Variants in SPNS3 observed in about 807,000 individuals in gnomAD.
SPNS3 encodes the protein SPNS lysolipid transporter 3, sphingosine-1-phosphate (putative), also known as protein spinster homolog 3.
SPNS3 carries 51 observed loss-of-function variants against 54.4 expected under a neutral mutation model. That is an observed-to-expected ratio of 0.94 (90% CI 0.75 to 1.18). SPNS3 has a LOEUF of 1.18. SPNS3 is among the 50% of genes most tolerant of loss of function. The pLI is 0.00. For synonymous variants in SPNS3, 309 were observed against 294.7 expected (o/e 1.05, Z -0.50); for missense variants, 669 against 677.4 (o/e 0.99, Z 0.14).
At chr17:4,451,470 GT>G (rs1240420552) in intron 7 of SPNS3, among the ~76,000 whole-genome samples, 1 of 152,092 alleles carries the variant, frequency 6.6e-6, no homozygotes, top group Non-Finnish European at 1.5e-5. Context: ...TTTGTGCAAA[GT>G]GAGGGTGGGA....
intron 7 of SPNS3, among the ~76,000 whole-genome samples, chr17:4,450,968 T>C (rs948465133): frequency 6.6e-6 from 1 of 152,050 alleles, no homozygotes; most frequent in Admixed American, 6.6e-5. Context: ...GGGAGGGCCC[T>C]GTGTGGATGG....
At chr17:4,466,415 C>G (rs1244920003) in intron 8 of SPNS3, among the ~76,000 whole-genome samples, 1 of 151,370 alleles carries the variant, frequency 6.6e-6, no homozygotes, top group African/African-American at 2.4e-5. Flanking sequence ...TGGCACGTGC[C>G]TGTAATCCCA....
At chr17:4,458,642 TTTC>T (rs1971409941) in intron 8 of SPNS3, among the ~76,000 whole-genome samples, 12 of 133,542 alleles carry the variant, frequency 9.0e-5, no homozygotes, top group Admixed American at 1.6e-4. Context: ...TCTTTCTTTC[TTTC>T]TTTCCTTCCT....
chr17:4,463,738 GA>G (rs113125706), intron 8 of SPNS3, among the ~76,000 whole-genome samples: 1,627 of 97,068 alleles, frequency 0.017, 14 homozygotes, highest in African/African-American at 0.037. Flanking sequence ...ACTCCATCTC[GA>G]AAAAAAAAAA....
chr17:4,450,479 A>G (rs1971133920), intron 7 of SPNS3, among the ~76,000 whole-genome samples: 1 of 150,910 alleles, frequency 6.6e-6, no homozygotes, highest in Non-Finnish European at 1.5e-5. Context: ...AGTGGTACAA[A>G]CACAGTTCGC....
chr17:4,448,167 C>T lies in SPNS3; in HGVS notation c.634C>T (p.Leu212=), dbSNP rs772134085. 6.3e-6 allele frequency: 10 copies of T among 1,594,462 alleles called. No homozygotes were observed. The highest frequency in any genetic ancestry group is 1.3e-5 in the African/African-American group (1 of 74,146). ...WRWALRVMPC[L]EAVALILLIL... is the part of the protein sequence containing the mutation. ...CTCCTGTCCCCAGGTCATGCCCTGCCTGGAGGCCGTGGCCTTGATCCTGCT... is the reference window on the plus strand; with the variant it reads ...CTCCTGTCCCCAGGTCATGCCCTGCTTGGAGGCCGTGGCCTTGATCCTGCT... The change falls in exon 6 of 12, where the codon CTG becomes TTG. Residue 212 remains leucine, a synonymous_variant. Coordinates refer to ENST00000355530, the MANE Select transcript of SPNS3 (RefSeq NM_182538.5).
chr17:4,466,940 A>G (rs992951986), intron 8 of SPNS3, among the ~76,000 whole-genome samples: 1 of 152,148 alleles, frequency 6.6e-6, no homozygotes, highest in African/African-American at 2.4e-5. Flanking sequence ...GACAGGGGCA[A>G]TGCACAGGGC....
Position 4,439,646 on chromosome 17 carries a change from C to G in SPNS3, c.200-12C>G, listed in dbSNP as rs1970798484. 1 of 1,611,724 alleles carries G rather than the reference C, an allele frequency of 6.2e-7. No homozygotes were observed. The highest frequency in any genetic ancestry group is 8.5e-7 in the Non-Finnish European group (1 of 1,179,102). On this transcript the variant is annotated splice_polypyrimidine_tract_variant and intron_variant, in intron 1 of 11. Transcript: ENST00000355530. ...ACTTCCCGTTTCCTGAGCACTGTCC[C>G]TCTGTCTGCAGGAGTGCTGCTGGAT... is the stretch of plus-strand genomic sequence containing the variant.
chr17:4,460,525 G>T (rs1057085277), intron 8 of SPNS3, among the ~76,000 whole-genome samples: 1 of 149,404 alleles, frequency 6.7e-6, no homozygotes. Context: ...TCTGCCGCCC[G>T]GGTTCACACC....
intron 8 of SPNS3, among the ~76,000 whole-genome samples, chr17:4,474,945 C>T (rs554000270): frequency 2.6e-5 from 4 of 152,118 alleles, no homozygotes; most frequent in East Asian, 1.9e-4. Flanking sequence ...TGTGGGTGTC[C>T]GTGTGTGGGT....
At chr17:4,448,813 C>T (rs1971075603) in intron 6 of SPNS3, among the ~76,000 whole-genome samples, 1 of 152,168 alleles carries the variant, frequency 6.6e-6, no homozygotes, top group Admixed American at 6.6e-5. Flanking sequence ...AATTCTGTTA[C>T]TGAGCTGTGA....
chr17:4,470,909 G>A (rs189808904), intron 8 of SPNS3, among the ~76,000 whole-genome samples: 3 of 152,088 alleles, frequency 2.0e-5, no homozygotes, highest in Admixed American at 1.3e-4. Flanking sequence ...CAGATGTAGA[G>A]CATTCACAGT....
intron 8 of SPNS3, among the ~76,000 whole-genome samples, chr17:4,472,257 C>T (rs1049694288): frequency 6.6e-6 from 1 of 152,128 alleles, no homozygotes. Flanking sequence ...TTCCTCTGAG[C>T]TGGGTGTAGG....
At chr17:4,458,387 CTTCT>C (rs74211665) in intron 8 of SPNS3, among the ~76,000 whole-genome samples, 51,691 of 129,956 alleles carry the variant, frequency 0.4, 13,432 homozygotes, top group South Asian at 0.54. Flanking sequence ...CCCTTTCTTT[CTTCT>C]TTCTTTCTTT....
In SPNS3 at chr17:4,462,813, C is replaced by T. The variant is rs1263308920; in HGVS notation, c.1113+9608C>T. 4.7e-3 allele frequency among the ~76,000 whole-genome samples: 357 copies of T among 76,094 alleles called. 3 individuals are homozygous for T. Among genetic ancestry groups the T allele is most frequent in the African/African-American group, 0.011 (337 of 30,756 alleles). 49.9% of individuals were successfully genotyped at this position (76,094 alleles called of 152,430 possible). A position where few individuals can be genotyped will look rare whatever the true frequency, so the allele number is the denominator to read the frequency against. On this transcript the variant is annotated intron_variant, in intron 8 of 11. Coordinates refer to ENST00000355530, the MANE Select transcript of SPNS3 (RefSeq NM_182538.5). ...TCCATCCATCCATCCACCAATCTAT[C>T]CATCCATCCATCCATCCATCCATTC...
intron 8 of SPNS3, among the ~76,000 whole-genome samples, chr17:4,470,024 C>T (rs987129949): frequency 6.6e-5 from 10 of 152,122 alleles, no homozygotes; most frequent in South Asian, 4.1e-4. Flanking sequence ...ACCGTCATTC[C>T]GTACACGTGT....
At chr17:4,460,111 G>C (rs778934107) in intron 8 of SPNS3, among the ~76,000 whole-genome samples, 1 of 152,140 alleles carries the variant, frequency 6.6e-6, no homozygotes, top group African/African-American at 2.4e-5. Context: ...GAGTGTACCC[G>C]ATGGGTTTGA....
chr17:4,445,945 T>C, intron 3 of SPNS3, 103 bp from the exon 4 acceptor site: 1 of 1,347,970 alleles, frequency 7.4e-7, no homozygotes. Flanking sequence ...TACTCTGGGG[T>C]CCTGTGTCAT....
chr17:4,436,691 CT>C (rs1970726445), intron 1 of SPNS3, among the ~76,000 whole-genome samples: 1 of 152,228 alleles, frequency 6.6e-6, no homozygotes, highest in African/African-American at 2.4e-5. Flanking sequence ...AACAGAGCTT[CT>C]TGGGTGCCAG....
Sources: gnomAD v4.1 joint callset for allele counts (sites outside exome capture counted in the v4.1 genomes callset) on GRCh38, gnomAD v4.1.1 for gene constraint, MANE v1.5 for transcripts, NCBI Gene and HGNC (gene_info 2026-07-23, HGNC 2026-07-21) for gene names.